The following SPOCK1 variants were observed in gnomAD, a reference collection of about 807,000 sequenced individuals.
SPOCK1 encodes the protein SPARC (osteonectin), cwcv and kazal like domains proteoglycan 1, also known as testican-1.
Under a neutral mutation model 55.3 loss-of-function variants are expected in SPOCK1, and 23 were observed. The observed-to-expected ratio is 0.42, with a 90% CI of 0.30 to 0.59. SPOCK1 has a LOEUF of 0.59. Ranked by LOEUF, SPOCK1 falls within the 20% of genes least tolerant of loss-of-function variation. The probability of loss-of-function intolerance (pLI) is 0.22; values close to 1 mark genes in which losing one functional copy is unlikely to be tolerated. For synonymous variants in SPOCK1, 226 were observed against 221.0 expected (o/e 1.02, Z -0.20); for missense variants, 499 against 552.5 (o/e 0.90, Z 0.97).
At chr5:137,443,089 A>T (rs1039981053) in intron 2 of SPOCK1, among the ~76,000 whole-genome samples, 1 of 152,182 alleles carries the variant, frequency 6.6e-6, no homozygotes. Context: ...GTGGAAAAGA[A>T]CATGGGCTTT....
At chr5:137,082,774 A>G (rs1752896786) in intron 5 of SPOCK1, among the ~76,000 whole-genome samples, 1 of 152,196 alleles carries the variant, frequency 6.6e-6, no homozygotes, top group Admixed American at 6.5e-5. Context: ...TCAAAGACCC[A>G]AGAGCTCATT....
chr5:137,078,356 CA>C (rs1752815843), intron 5 of SPOCK1, among the ~76,000 whole-genome samples: 1 of 152,200 alleles, frequency 6.6e-6, no homozygotes, highest in Non-Finnish European at 1.5e-5. Flanking sequence ...ACCCAGCCCA[CA>C]CTAAGCCTCC....
At chr5:137,407,498 T>A (rs188364323) in intron 2 of SPOCK1, among the ~76,000 whole-genome samples, 1 of 152,236 alleles carries the variant, frequency 6.6e-6, no homozygotes, top group East Asian at 1.9e-4. Context: ...TAGGAAACTA[T>A]TCCATGGTAG....
intron 6 of SPOCK1, among the ~76,000 whole-genome samples, chr5:137,056,411 G>A (rs554917977): frequency 2.6e-5 from 4 of 152,014 alleles, no homozygotes; most frequent in African/African-American, 4.8e-5. Context: ...ACATGATGCC[G>A]TCCACTCCAA....
intron 3 of SPOCK1, among the ~76,000 whole-genome samples, chr5:137,146,732 T>A (rs1388351023): frequency 6.6e-6 from 1 of 152,152 alleles, no homozygotes; most frequent in African/African-American, 2.4e-5. Context: ...CCCATAGGAT[T>A]TTTGCTGTAA....
intron 3 of SPOCK1, among the ~76,000 whole-genome samples, chr5:137,204,618 C>A (rs1391471283): frequency 6.6e-6 from 1 of 152,168 alleles, no homozygotes; most frequent in Non-Finnish European, 1.5e-5. Flanking sequence ...TCCTCTCTTG[C>A]ACTTCTAGCA....
chr5:137,270,842 A>G (rs1054133860), intron 2 of SPOCK1, among the ~76,000 whole-genome samples: 2 of 152,092 alleles, frequency 1.3e-5, no homozygotes, highest in African/African-American at 4.8e-5. Flanking sequence ...ATCTCTACTA[A>G]CAATACAAAA....
intron 2 of SPOCK1, among the ~76,000 whole-genome samples, chr5:137,310,366 G>A (rs975404057): frequency 2.6e-5 from 4 of 152,130 alleles, no homozygotes; most frequent in African/African-American, 9.7e-5. Flanking sequence ...CAGCATAATG[G>A]CATCCAGGTG....
At chr5:137,328,360 G>T (rs1335505582) in intron 2 of SPOCK1, among the ~76,000 whole-genome samples, 2 of 152,122 alleles carry the variant, frequency 1.3e-5, no homozygotes, top group African/African-American at 2.4e-5. Context: ...CCCTCCCCAA[G>T]AAATAAATCT....
chr5:137,218,019 T>G (rs1170384854), intron 3 of SPOCK1, among the ~76,000 whole-genome samples: 1 of 152,182 alleles, frequency 6.6e-6, no homozygotes, highest in Non-Finnish European at 1.5e-5. Context: ...CAGCTCAGGA[T>G]TGCCAACACT....
intron 3 of SPOCK1, among the ~76,000 whole-genome samples, chr5:137,229,918 T>G (rs1003259872): frequency 2.0e-5 from 3 of 152,122 alleles, no homozygotes; most frequent in Admixed American, 2.0e-4. Context: ...GCAGTAAGGC[T>G]CACTCACCCT....
At chr5:137,102,836 T>C (rs1753295528) in intron 5 of SPOCK1, among the ~76,000 whole-genome samples, 1 of 152,140 alleles carries the variant, frequency 6.6e-6, no homozygotes, top group Non-Finnish European at 1.5e-5. Flanking sequence ...GAAAGTAAAA[T>C]AAAGAATACT....
chr5:137,475,814 A>G (rs1444520906), intron 2 of SPOCK1, among the ~76,000 whole-genome samples: 1 of 152,108 alleles, frequency 6.6e-6, no homozygotes, highest in African/African-American at 2.4e-5. Context: ...GCCTCAAACA[A>G]TCTTCCTGCC....
At chr5:137,466,939 G>T (rs184728255) in intron 2 of SPOCK1, among the ~76,000 whole-genome samples, 134 of 152,318 alleles carry the variant, frequency 8.8e-4, no homozygotes, top group African/African-American at 3.2e-3. Context: ...ATCTGCCAAG[G>T]TTTCACGGGA....
At chr5:137,096,146 T>C (rs1580748219) in intron 5 of SPOCK1, among the ~76,000 whole-genome samples, 2 of 152,114 alleles carry the variant, frequency 1.3e-5, no homozygotes, top group East Asian at 3.9e-4. Context: ...AGAGATGCCA[T>C]GTGGTTCACC....
chr5:137,437,459 C>T (rs2149830962), intron 2 of SPOCK1, among the ~76,000 whole-genome samples: 1 of 152,316 alleles, frequency 6.6e-6, no homozygotes, highest in East Asian at 1.9e-4. Flanking sequence ...TTAAAGTGCA[C>T]AATGGGTTTT....
chr5:137,342,001 CAG>C (rs1331055600), intron 2 of SPOCK1, among the ~76,000 whole-genome samples: 61 of 152,320 alleles, frequency 4.0e-4, no homozygotes, highest in African/African-American at 1.4e-3. Flanking sequence ...GGTGACTTGC[CAG>C]AGAGCGCCAG....
At chr5:136,979,736 T>A (rs1471372075) in intron 9 of SPOCK1, among the ~76,000 whole-genome samples, 1 of 152,204 alleles carries the variant, frequency 6.6e-6, no homozygotes, top group East Asian at 1.9e-4. Context: ...GGCACTGACC[T>A]AAATCGTGCT....
Position 137,231,012 on chromosome 5 carries a change from C to G in SPOCK1, c.232+35998G>C, listed in dbSNP as rs148049916. Among the ~76,000 whole-genome samples the G allele has an allele frequency of 2.7e-3, 412 of 151,614 alleles. 2 individuals are homozygous for G. Among genetic ancestry groups the G allele is most frequent in the African/African-American group, 9.3e-3 (385 of 41,378 alleles). ...TCCACTACCATGGTCAAATACAAAA[C>G]AGTTCCATCACCACAAGGATCCCTG... On this transcript the variant is annotated intron_variant, in intron 3 of 10. Transcript: ENST00000394945.
Sources: allele counts gnomAD v4.1 joint callset (sites outside exome capture counted in the v4.1 genomes callset), GRCh38; gene constraint gnomAD v4.1.1; transcripts MANE v1.5; gene names NCBI Gene and HGNC (gene_info 2026-07-23, HGNC 2026-07-21).